Variants in NAV1 observed in about 807,000 individuals in gnomAD.
NAV1 encodes pore membrane and/or filament interacting like protein 3.
A neutral mutation model predicts 175.2 loss-of-function variants in NAV1; 18 were observed. That is an observed-to-expected ratio of 0.10 (90% CI 0.07 to 0.15). The LOEUF is 0.15. NAV1 is among the 10% of genes least tolerant of loss of function. The pLI is 1.00. For synonymous variants in NAV1, 897 were observed against 978.7 expected (o/e 0.92, Z 1.56); for missense variants, 1,731 against 2,436.6 (o/e 0.71, Z 6.10).
rs1667872761 is a variant in NAV1 at position 201,612,360 on chromosome 1, G to A, written c.-32-10493G>A. Among the ~76,000 whole-genome samples, 3 of 152,286 alleles carry A rather than the reference G, an allele frequency of 2.0e-5. No individual in the cohort carries two copies. In the South Asian group the frequency reaches 6.2e-4, roughly 32 times the overall value. ...TGCCAGCTACTCGGCAGGCTGAAGT[G>A]GGAGGATTGCTTGAGCCCAGGAGGC... is the stretch of plus-strand genomic sequence containing the variant. On this transcript the variant is annotated intron_variant, in intron 2 of 33. Transcript: ENST00000685211.
chr1:201,764,387 G>A (rs1029043350), intron 3 of NAV1, among the ~76,000 whole-genome samples: 3 of 152,200 alleles, frequency 2.0e-5, no homozygotes, highest in Non-Finnish European at 4.4e-5. Flanking sequence ...CTTCCTGGCT[G>A]TAGACAGCCA....
intron 3 of NAV1, among the ~76,000 whole-genome samples, chr1:201,754,184 C>T (rs1269887516): frequency 6.6e-6 from 1 of 152,164 alleles, no homozygotes; most frequent in African/African-American, 2.4e-5. Context: ...CAGACCCTTC[C>T]ACCCAACCTC....
intron 3 of NAV1, among the ~76,000 whole-genome samples, chr1:201,768,333 G>GAAAAAAAAAAA (rs57027212): frequency 1.5e-4 from 16 of 105,668 alleles, no homozygotes; most frequent in African/African-American, 2.8e-4. Context: ...CCGTCTCAGA[G>GAAAAAAAAAAA]AAAAAAAAAA....
intron 3 of NAV1, among the ~76,000 whole-genome samples, chr1:201,729,405 G>A (rs556101647): frequency 6.6e-6 from 1 of 152,314 alleles, no homozygotes; most frequent in Admixed American, 6.5e-5. Flanking sequence ...AACACTTTGG[G>A]AGGCCAAGGT....
At chr1:201,597,442 C>T (rs911514715) in intron 2 of NAV1, among the ~76,000 whole-genome samples, 2 of 152,228 alleles carry the variant, frequency 1.3e-5, no homozygotes, top group Non-Finnish European at 2.9e-5. Context: ...CTGGGGGCTT[C>T]CTGGTCAAGG....
chr1:201,625,282 T>C (rs1277414926), intron 1 of NAV1, among the ~76,000 whole-genome samples: 1 of 152,200 alleles, frequency 6.6e-6, no homozygotes, highest in Non-Finnish European at 1.5e-5. Context: ...TGTTGTAAGA[T>C]GAATTAGATT....
chr1:201,620,906 G>A (rs1668149984), upstream of NAV1, among the ~76,000 whole-genome samples: 1 of 151,720 alleles, frequency 6.6e-6, no homozygotes, highest in African/African-American at 2.4e-5. Flanking sequence ...TTTTGTTTTG[G>A]CCAGTTGTAT....
In NAV1 at chr1:201,718,714, C is replaced by A; in HGVS notation, c.1185C>A (p.Leu395=). 1 of 1,614,090 alleles carries A rather than the reference C, an allele frequency of 6.2e-7. No individual in the cohort carries two copies. The highest frequency in any genetic ancestry group is 1.1e-5 in the South Asian group (1 of 91,070). ...CCGGCTACATGAGCGACAGTGACCT[C>A]ATGGGCAAGACCATGACGGAGGATG... is the stretch of plus-strand genomic sequence containing the variant. Residue 395 remains leucine (L), a synonymous_variant, in exon 3 of 30, where the codon CTC becomes CTA. Coordinates refer to ENST00000367296, the Ensembl canonical transcript of NAV1. The surrounding 1 kb of genome is among the most constrained non-coding windows in gnomAD (Gnocchi z 4.8).
upstream of NAV1, among the ~76,000 whole-genome samples, chr1:201,644,347 C>T (rs547056747): frequency 6.6e-6 from 1 of 152,322 alleles, no homozygotes; most frequent in African/African-American, 2.4e-5. Flanking sequence ...CCATTCTGCA[C>T]ATACTGGTTT....
chr1:201,606,294 AG>A (rs1667673713), intron 2 of NAV1, among the ~76,000 whole-genome samples: 1 of 152,194 alleles, frequency 6.6e-6, no homozygotes, highest in African/African-American at 2.4e-5. Flanking sequence ...TGGGCAAAAC[AG>A]GGGGCTACCT....
chr1:201,550,806 T>C (rs912358264), intron 1 of NAV1, among the ~76,000 whole-genome samples: 3 of 152,242 alleles, frequency 2.0e-5, no homozygotes, highest in African/African-American at 4.8e-5. Flanking sequence ...GGGTGGTCTA[T>C]GTATGGCCCT....
intron 3 of NAV1, among the ~76,000 whole-genome samples, chr1:201,770,101 T>C (rs1675476888): frequency 6.6e-6 from 1 of 152,194 alleles, no homozygotes; most frequent in Non-Finnish European, 1.5e-5. Flanking sequence ...ATGGAATAGC[T>C]GGGCCTAAAA....
At chr1:201,826,274 G>A (rs1026123627) in exon 30 of NAV1, 4 of 152,212 alleles carry the variant, frequency 2.6e-5, no homozygotes, top group East Asian at 1.9e-4. Flanking sequence ...GCCATCTCCT[G>A]TGGGGTCTTA....
At chr1:201,721,066 A>C (rs1169958359) in intron 3 of NAV1, among the ~76,000 whole-genome samples, 2 of 152,164 alleles carry the variant, frequency 1.3e-5, no homozygotes, top group East Asian at 3.9e-4. Flanking sequence ...TCCCGAATCC[A>C]TTTTTTAAAA....
chr1:201,718,766 G>A lies in NAV1; in HGVS notation c.1226+11G>A. ...TGACATCACTACCGGGTAAGCGCAG[G>A]GGCTTCTTGGATGGCGGGGGAGGAT... On this transcript the variant is annotated intron_variant, in intron 3 of 29. Transcript: ENST00000367296. This position sits in a 1 kb window ranked among gnomAD's most constrained non-coding sequence, Gnocchi z 4.8. The A allele has an allele frequency of 6.3e-7, 1 of 1,588,326 alleles. No homozygotes were observed. The highest frequency in any genetic ancestry group is 8.6e-7 in the Non-Finnish European group (1 of 1,161,164).
rs1295362358 is a variant in NAV1, at chr1:201,787,603, C to G, written c.2996-865C>G. The G allele has an allele frequency of 6.6e-6, 3 of 453,604 alleles. No homozygotes were observed. The highest frequency in any genetic ancestry group is 4.7e-5 in the Admixed American group (2 of 42,334). 28.1% of individuals were successfully genotyped at this position (453,604 alleles called of 1,614,324 possible). On this transcript the variant is annotated intron_variant, in intron 9 of 29. Coordinates refer to ENST00000367296, the Ensembl canonical transcript of NAV1. This position sits in a 1 kb window ranked among gnomAD's most constrained non-coding sequence, Gnocchi z 4.3. ...GGGCTGGGCTAAGCAATAATTACCTCAGGAATTTGAAAAGGTCAACAGAGA... is the reference window on the plus strand; with the variant it reads ...GGGCTGGGCTAAGCAATAATTACCTGAGGAATTTGAAAAGGTCAACAGAGA...
At chr1:201,594,960 G>A (rs1285480041) in intron 2 of NAV1, among the ~76,000 whole-genome samples, 1 of 152,254 alleles carries the variant, frequency 6.6e-6, no homozygotes, top group East Asian at 1.9e-4. Context: ...CATTAGGCAA[G>A]GGCAAGGTGC....
intron 1 of NAV1, among the ~76,000 whole-genome samples, chr1:201,668,541 G>A (rs1342238300): frequency 6.6e-6 from 1 of 152,026 alleles, no homozygotes; most frequent in Non-Finnish European, 1.5e-5. Flanking sequence ...TCTCAGCACC[G>A]CTTACTTGTA....
At chr1:201,572,891 T>C (rs1027821470) in intron 1 of NAV1, among the ~76,000 whole-genome samples, 2 of 152,144 alleles carry the variant, frequency 1.3e-5, no homozygotes, top group African/African-American at 4.8e-5. Flanking sequence ...ATTACTTTTC[T>C]TTCTGTCCCC....
Sources: allele counts gnomAD v4.1 joint callset (sites outside exome capture counted in the v4.1 genomes callset), GRCh38; gene constraint gnomAD v4.1.1; non-coding constraint Gnocchi (gnomAD v3.1); transcripts MANE v1.5; gene names NCBI Gene and HGNC (gene_info 2026-07-23, HGNC 2026-07-21).